The following SNTG2 variants were observed in gnomAD, a reference collection of about 807,000 sequenced individuals.
SNTG2 encodes syntrophin gamma 2.
SNTG2 carries 74 observed loss-of-function variants against 70.9 expected under a neutral mutation model. The observed-to-expected ratio is 1.04, with a 90% CI of 0.86 to 1.27. The LOEUF (loss-of-function observed/expected upper bound fraction) is 1.27, where lower values mean the gene tolerates loss of function less well. SNTG2 is among the 50% of genes most tolerant of loss of function. The pLI is 0.00. For missense variants in SNTG2, 717 were observed against 690.7 expected, an observed-to-expected ratio of 1.04 and a Z score of -0.43; for synonymous variants, 278 against 273.8, an observed-to-expected ratio of 1.02 and a Z score of -0.15.
rs375922912 is a variant in SNTG2, at chr2:1,038,682, C to T, written c.73-44836C>T. Among the ~76,000 whole-genome samples the T allele has an allele frequency of 1.3e-3, 203 of 152,280 alleles. 5 individuals carry two copies. In the South Asian group the frequency reaches 0.029, roughly 22 times the overall value. On this transcript the variant is annotated intron_variant, in intron 1 of 16. Coordinates refer to ENST00000308624, the MANE Select transcript of SNTG2 (RefSeq NM_018968.4). ...AATAGTAACTGTAATTGTTTTGACA[C>T]GTGGAACTCAAGTTCAAGCTCACCT...
intron 14 of SNTG2, among the ~76,000 whole-genome samples, chr2:1,297,564 G>T (rs532512193): frequency 1.3e-5 from 2 of 150,374 alleles, no homozygotes; most frequent in African/African-American, 5.0e-5. Context: ...GCCCAGCCCG[G>T]CGCCTCTACA....
Position 1,181,141 on chromosome 2 carries a change from A to G in SNTG2, c.591+7958A>G, listed in dbSNP as rs866942996. ...TAAATGACAAGTTAATGGGTGCAGC[A>G]CACCAACATGGCACATGTATACATA... On this transcript the variant is annotated intron_variant, in intron 8 of 16. Coordinates refer to ENST00000308624, the MANE Select transcript of SNTG2 (RefSeq NM_018968.4). Among the ~76,000 whole-genome samples, 84 of 152,308 alleles carry G rather than the reference A, an allele frequency of 5.5e-4. No individual in the cohort carries two copies. In the Middle Eastern group the frequency reaches 0.014, roughly 25 times the overall value.
rs151073088 is a variant in SNTG2 at position 1,326,544 on chromosome 2, C to T, written c.1488+10169C>T. On this transcript the variant is annotated intron_variant, in intron 16 of 16. Transcript: ENST00000308624. ...TTTGATAGAGAGGATATGCAGTTTT[C>T]GAAACAATTAACAGACTTCGTAAAG... Among the ~76,000 whole-genome samples the T allele has an allele frequency of 6.8e-3, 1,036 of 152,146 alleles. 7 individuals carry two copies. Among genetic ancestry groups the T allele is most frequent in the African/African-American group, 0.023 (973 of 41,510 alleles).
chr2:1,247,516 A>G (rs559845581), intron 12 of SNTG2, 73 bp downstream of exon 12: 1 of 1,071,082 alleles, frequency 9.3e-7, no homozygotes, highest in Admixed American at 1.8e-5. Flanking sequence ...GGAAAGCTAC[A>G]TCTGGTGTTT....
chr2:1,181,745 T>C (rs552468627), intron 8 of SNTG2, among the ~76,000 whole-genome samples: 1 of 152,232 alleles, frequency 6.6e-6, no homozygotes, highest in East Asian at 1.9e-4. Context: ...CATTTCTTTT[T>C]CTTCTGCCTC....
intron 16 of SNTG2, among the ~76,000 whole-genome samples, chr2:1,366,330 G>T (rs953106694): frequency 2.0e-5 from 3 of 152,164 alleles, no homozygotes; most frequent in Non-Finnish European, 1.5e-5. Flanking sequence ...ACAGGAAGAT[G>T]ATTTTTCCCC....
chr2:1,329,053 G>T (rs1472127849), intron 16 of SNTG2, among the ~76,000 whole-genome samples: 1 of 151,930 alleles, frequency 6.6e-6, no homozygotes, highest in Non-Finnish European at 1.5e-5. Context: ...CTTTTATAAG[G>T]TATTAGCTGG....
intron 6 of SNTG2, among the ~76,000 whole-genome samples, chr2:1,146,185 C>G (rs897722731): frequency 6.6e-6 from 1 of 152,060 alleles, no homozygotes; most frequent in African/African-American, 2.4e-5. Flanking sequence ...CAACACCATA[C>G]TGAAAGTCCT....
intron 1 of SNTG2, among the ~76,000 whole-genome samples, chr2:1,082,470 C>T (rs556934530): frequency 3.9e-4 from 60 of 152,288 alleles, no homozygotes; most frequent in African/African-American, 1.4e-3. Context: ...GGGGACCTCC[C>T]CGTCCGTGGG....
chr2:987,688 A>G (rs1661369686), intron 1 of SNTG2, among the ~76,000 whole-genome samples: 1 of 152,062 alleles, frequency 6.6e-6, no homozygotes, highest in South Asian at 2.1e-4. Context: ...AAGCCACTGC[A>G]TATGTGGTCC....
At chr2:967,373 T>C (rs554478691) in intron 1 of SNTG2, among the ~76,000 whole-genome samples, 1 of 152,332 alleles carries the variant, frequency 6.6e-6, no homozygotes, top group Admixed American at 6.5e-5. Context: ...GATGCTTTTT[T>C]TTGGTTGATG....
chr2:1,355,332 G>A (rs367857400), intron 16 of SNTG2, among the ~76,000 whole-genome samples: 2 of 152,250 alleles, frequency 1.3e-5, no homozygotes, highest in South Asian at 4.1e-4. Context: ...AACTGCACCC[G>A]TGGAACGGCA....
rs528969992 is a variant in SNTG2 at position 955,715 on chromosome 2, C to T, written c.72+4647C>T. 3.9e-5 allele frequency among the ~76,000 whole-genome samples: 6 copies of T among 152,368 alleles called. No individual in the cohort carries two copies. The South Asian group carries it at 8.3e-4, about 21-fold the overall frequency. ...GATTCCATGGAAGAATGTTTCTGTT[C>T]GTTGAGCGGGTGTTTAGAAAATAAT... is the stretch of plus-strand genomic sequence containing the variant. On this transcript the variant is annotated intron_variant, in intron 1 of 16. Transcript: ENST00000308624.
chr2:1,283,101 A>G (rs1289105237), intron 14 of SNTG2, among the ~76,000 whole-genome samples: 1 of 152,134 alleles, frequency 6.6e-6, no homozygotes, highest in Admixed American at 6.5e-5. Flanking sequence ...CAGGGTTTGC[A>G]GAGCCTGGCT....
chr2:1,222,499 A>G lies in SNTG2; in HGVS notation c.719+13269A>G, dbSNP rs1400486335. On this transcript the variant is annotated intron_variant, in intron 9 of 16. Coordinates refer to ENST00000308624, the MANE Select transcript of SNTG2 (RefSeq NM_018968.4). Reference sequence around the variant, plus strand: ...CGCTGTAGAGGAAAGTGGTGCAGTGATGGAGGGCGTCTCCCTGTCCTGCCT... The same window carrying G: ...CGCTGTAGAGGAAAGTGGTGCAGTGGTGGAGGGCGTCTCCCTGTCCTGCCT... Among the ~76,000 whole-genome samples the G allele has an allele frequency of 1.1e-4, 16 of 140,548 alleles. 1 individual carries two copies. The highest frequency in any genetic ancestry group is 4.2e-4 in the African/African-American group (15 of 36,016). The allele number at this position is 140,548 out of a possible 152,430, so 92.2% of individuals were successfully genotyped here. A position where few individuals can be genotyped will look rare whatever the true frequency, so the allele number is the denominator to read the frequency against.
chr2:1,233,510 G>A (rs1337344897), intron 9 of SNTG2, among the ~76,000 whole-genome samples: 2 of 152,190 alleles, frequency 1.3e-5, no homozygotes, highest in African/African-American at 4.8e-5. Context: ...CTGGGCTGTG[G>A]GGCTTTTCCC....
At chr2:1,058,066 G>C (rs934702450) in intron 1 of SNTG2, among the ~76,000 whole-genome samples, 2 of 152,158 alleles carry the variant, frequency 1.3e-5, no homozygotes, top group East Asian at 3.9e-4. Flanking sequence ...AATTATATTT[G>C]AATTAATATA....
intron 6 of SNTG2, among the ~76,000 whole-genome samples, chr2:1,151,489 G>A (rs555652176): frequency 1.8e-4 from 27 of 152,206 alleles, no homozygotes; most frequent in African/African-American, 6.5e-4. Flanking sequence ...ACCCAGCCTC[G>A]CTCTTTCTGC....
chr2:1,168,922 G>A (rs562445799), intron 7 of SNTG2, among the ~76,000 whole-genome samples: 3 of 152,304 alleles, frequency 2.0e-5, no homozygotes, highest in African/African-American at 7.2e-5. Context: ...TTAAGGGAGC[G>A]AAATGTCACA....
Sources: gnomAD v4.1 joint callset for allele counts (sites outside exome capture counted in the v4.1 genomes callset) on GRCh38, gnomAD v4.1.1 for gene constraint, MANE v1.5 for transcripts, NCBI Gene and HGNC (gene_info 2026-07-23, HGNC 2026-07-21) for gene names.